Variants in GALNT9 observed in about 807,000 individuals in gnomAD.
The protein encoded by GALNT9 is polypeptide N-acetylgalactosaminyltransferase 9.
GALNT9 carries 47 observed loss-of-function variants against 63.1 expected under a neutral mutation model. That is an observed-to-expected ratio of 0.75 (90% CI 0.59 to 0.95). The LOEUF (loss-of-function observed/expected upper bound fraction) is 0.95. GALNT9 is among the 40% of genes least tolerant of loss of function. GALNT9 has a pLI of 0.00. For missense variants in GALNT9, 829 were observed against 874.8 expected (o/e 0.95, Z 0.66); for synonymous variants, 396 against 365.7 (o/e 1.08, Z -0.94).
intron 8 of GALNT9, chr12:132,200,411 A>G (rs1875948913): frequency 1.3e-5 from 2 of 152,204 alleles, no homozygotes. Context: ...GAGTGTGCAT[A>G]TCACCCATTG....
At chr12:132,313,301 CCATCCATTCACA>C (rs1881883429) in intron 1 of GALNT9, among the ~76,000 whole-genome samples, 2 of 150,382 alleles carry the variant, frequency 1.3e-5, no homozygotes, top group South Asian at 4.2e-4. Context: ...ACCCATCCAC[CCATCCATTCACA>C]CACCAATCCA....
chr12:132,256,598 GACAGTGGAGGGGGA>G (rs1879123729), intron 5 of GALNT9, among the ~76,000 whole-genome samples: 2 of 120,330 alleles, frequency 1.7e-5, no homozygotes, highest in Non-Finnish European at 3.6e-5. Context: ...AGTGGAGGGG[GACAGTGGAGGGGGA>G]ACACTGGAGG....
At chr12:132,256,228 C>T (rs893922641) in intron 5 of GALNT9, among the ~76,000 whole-genome samples, 1 of 152,212 alleles carries the variant, frequency 6.6e-6, no homozygotes, top group African/African-American at 2.4e-5. Context: ...TGAGCCCCGA[C>T]CCTCAGCCTC....
In GALNT9 at chr12:132,197,811, C is replaced by T. The variant is rs372592181; in HGVS notation, c.1646G>A (p.Arg549Gln). The T allele has an allele frequency of 2.2e-4, 352 of 1,588,494 alleles. No homozygotes were observed. The highest frequency in any genetic ancestry group is 7.4e-4 in the African/African-American group (55 of 74,800). Reference sequence around the variant, plus strand: ...GCTGACCTGGGTGAAGTCCCACAGCCGCTGTGTTGGCCGCGCCACATCCTC... The same window carrying T: ...GCTGACCTGGGTGAAGTCCCACAGCTGCTGTGTTGGCCGCGCCACATCCTC... ...KCEDVARPTQ[R>Q]LWDFTQSGPI... Residue 549 changes from arginine to glutamine, a missense_variant, in exon 10 of 11, where the codon CGG (arginine) becomes CAG (glutamine). Coordinates refer to ENST00000328957, the MANE Select transcript of GALNT9 (RefSeq NM_001122636.2).
chr12:132,217,599 TCCATCCATCCAG>T (rs1877264145), intron 6 of GALNT9, among the ~76,000 whole-genome samples: 1 of 143,596 alleles, frequency 7.0e-6, no homozygotes, highest in South Asian at 2.3e-4. Flanking sequence ...CATCCATCCA[TCCATCCATCCAG>T]CCATCCATCC....
At chr12:132,268,183 G>C (rs1002627535) in intron 2 of GALNT9, among the ~76,000 whole-genome samples, 1 of 148,078 alleles carries the variant, frequency 6.8e-6, no homozygotes, top group Non-Finnish European at 1.5e-5. Flanking sequence ...ACCCATACAT[G>C]TACTCACACA....
chr12:132,272,286 C>T (rs939810812), intron 2 of GALNT9, among the ~76,000 whole-genome samples: 12 of 152,326 alleles, frequency 7.9e-5, no homozygotes, highest in Admixed American at 2.0e-4. Context: ...GGCAATGGTG[C>T]GGGGCGGGAC....
At chr12:132,305,104 C>A (rs1555244486) in intron 1 of GALNT9, among the ~76,000 whole-genome samples, 2 of 82,842 alleles carry the variant, frequency 2.4e-5, no homozygotes, top group African/African-American at 6.3e-5. Flanking sequence ...CGGGCACAGC[C>A]TCACCCAGAC....
chr12:132,305,166 G>T (rs1185374920), intron 1 of GALNT9, among the ~76,000 whole-genome samples: 2 of 20,644 alleles, frequency 9.7e-5, no homozygotes, highest in South Asian at 3.1e-3. Context: ...CCTGGGCACA[G>T]CCTCGCCCGG....
At chr12:132,285,413 A>T (rs559686593) in intron 2 of GALNT9, among the ~76,000 whole-genome samples, 1 of 152,356 alleles carries the variant, frequency 6.6e-6, no homozygotes, top group East Asian at 1.9e-4. Context: ...CCGAGCAACA[A>T]TGCCAATTAA....
intron 6 of GALNT9, among the ~76,000 whole-genome samples, chr12:132,205,111 C>T (rs1593467561): frequency 2.0e-5 from 3 of 152,172 alleles, no homozygotes; most frequent in Non-Finnish European, 2.9e-5. Flanking sequence ...GGTTCATCCT[C>T]GTCCAGGCTG....
At chr12:132,197,292 G>A (rs374096089) in intron 10 of GALNT9, 39 bp from the exon 11 acceptor site, 34 of 1,601,692 alleles carry the variant, frequency 2.1e-5, no homozygotes, top group Admixed American at 3.3e-5. Flanking sequence ...AGGTGCAGGC[G>A]TCCTTGTTCC....
At chr12:132,291,247 ACGTCCTCAGCG>A (rs1880819288) in intron 1 of GALNT9, among the ~76,000 whole-genome samples, 2 of 42,078 alleles carry the variant, frequency 4.8e-5, no homozygotes, top group Admixed American at 2.2e-4. Context: ...CACAGCGCCC[ACGTCCTCAGCG>A]CCCACAACCA....
intron 2 of GALNT9, among the ~76,000 whole-genome samples, chr12:132,267,046 T>G (rs1879627011): frequency 6.6e-6 from 1 of 152,070 alleles, no homozygotes; most frequent in South Asian, 2.1e-4. Flanking sequence ...CGTCTGGATG[T>G]GCGGTTGAGC....
In GALNT9 at chr12:132,207,966, C is replaced by T. The variant is rs548067698; in HGVS notation, c.1078-4276G>A. 8.7e-4 allele frequency among the ~76,000 whole-genome samples: 132 copies of T among 152,270 alleles called. 1 individual carries two copies. Among genetic ancestry groups the T allele is most frequent in the Non-Finnish European group, 1.6e-3 (107 of 68,034 alleles). On this transcript the variant is annotated intron_variant, in intron 6 of 10. Coordinates refer to ENST00000328957, the MANE Select transcript of GALNT9 (RefSeq NM_001122636.2). ...CACTGGTGTGTGGCGTCCCCACACC[C>T]GGGGCAGGTCTCTTTTCTGCGTCAG... is the stretch of plus-strand genomic sequence containing the variant.
chr12:132,278,603 T>C (rs1441767035), intron 2 of GALNT9: 7 of 152,118 alleles, frequency 4.6e-5, no homozygotes, highest in Non-Finnish European at 1.0e-4. Context: ...GGGCCCGCCG[T>C]CTGGTTGTGT....
chr12:132,302,884 G>A (rs997976321), intron 1 of GALNT9, among the ~76,000 whole-genome samples: 5 of 152,188 alleles, frequency 3.3e-5, no homozygotes, highest in Admixed American at 2.6e-4. Context: ...GGAGCGCAGA[G>A]GAGCTTTGAG....
At chr12:132,323,677 G>A (rs782265824) in intron 1 of GALNT9, among the ~76,000 whole-genome samples, 1 of 152,264 alleles carries the variant, frequency 6.6e-6, no homozygotes, top group Non-Finnish European at 1.5e-5. Context: ...GAAAACCGGA[G>A]AGGCAATCCC....
chr12:132,289,252 A>G (rs147021816), intron 1 of GALNT9, among the ~76,000 whole-genome samples: 8 of 152,050 alleles, frequency 5.3e-5, no homozygotes, highest in African/African-American at 1.9e-4. Context: ...CTGCCTCCCA[A>G]CGCTTCATTC....
Sources: gnomAD v4.1 joint callset for allele counts (sites outside exome capture counted in the v4.1 genomes callset) on GRCh38, gnomAD v4.1.1 for gene constraint, MANE v1.5 for transcripts, NCBI Gene and HGNC (gene_info 2026-07-23, HGNC 2026-07-21) for gene names.